Variants in GPATCH8 observed in about 807,000 individuals in gnomAD.
The protein encoded by GPATCH8 is G-patch domain containing 8, also known as G patch domain-containing protein 8.
A neutral mutation model predicts 118.3 loss-of-function variants in GPATCH8; 18 were observed. That is an observed-to-expected ratio of 0.15 (90% CI 0.11 to 0.23). GPATCH8 has a LOEUF of 0.23. GPATCH8 is among the 10% of genes least tolerant of loss of function. The pLI is 1.00. For synonymous variants in GPATCH8, 659 were observed against 684.7 expected (o/e 0.96, Z 0.59); for missense variants, 1,631 against 1,873.8 (o/e 0.87, Z 2.39).
intron 1 of GPATCH8, among the ~76,000 whole-genome samples, chr17:44,476,248 A>C (rs558185857): frequency 6.6e-6 from 1 of 152,002 alleles, no homozygotes; most frequent in African/African-American, 2.4e-5. Context: ...TCTGTAGCCC[A>C]AGCTGGAGTG....
intron 1 of GPATCH8, among the ~76,000 whole-genome samples, chr17:44,492,733 A>G (rs1299661568): frequency 2.0e-5 from 3 of 152,192 alleles, no homozygotes; most frequent in African/African-American, 7.2e-5. Flanking sequence ...CCCTCACCAT[A>G]TATCACAGTA....
intron 1 of GPATCH8, among the ~76,000 whole-genome samples, chr17:44,482,573 C>CAA (rs376299230): frequency 5.2e-5 from 5 of 97,058 alleles, no homozygotes; most frequent in Admixed American, 1.1e-4. Flanking sequence ...GACTCCATCT[C>CAA]AAAAAAAAAA....
chr17:44,502,797 T>C (rs1197928509), intron 1 of GPATCH8, among the ~76,000 whole-genome samples: 1 of 152,176 alleles, frequency 6.6e-6, no homozygotes, highest in East Asian at 1.9e-4. Context: ...AGGCGTCTGA[T>C]AGCGAAGGCA....
intron 5 of GPATCH8, among the ~76,000 whole-genome samples, chr17:44,431,984 T>C (rs1233368846): frequency 1.3e-5 from 2 of 151,724 alleles, no homozygotes; most frequent in Non-Finnish European, 2.9e-5. Context: ...TGACTAAGAA[T>C]TCTGGTTCTA....
intron 6 of GPATCH8, among the ~76,000 whole-genome samples, chr17:44,413,965 T>C (rs1427776502): frequency 6.6e-6 from 1 of 151,808 alleles, no homozygotes; most frequent in African/African-American, 2.4e-5. Flanking sequence ...AAAATTACCA[T>C]GTAATGCTTG....
rs767815210 is a variant in GPATCH8 at position 44,397,421 on chromosome 17, C to T, written c.*147G>A. The T allele has an allele frequency of 5.6e-6, 4 of 712,354 alleles. No homozygotes were observed. Among genetic ancestry groups the T allele is most frequent in the Non-Finnish European group, 1.0e-5 (4 of 390,652 alleles). The allele number at this position is 712,354 out of a possible 1,614,324, so 44.1% of individuals were successfully genotyped here. ...ACTGAAAGCAAACTTCAAATCTAAA[C>T]CCACCCCTGCAAGCCAAAACTCAAT... On this transcript the variant is annotated 3_prime_UTR_variant, in exon 8 of 8. Coordinates refer to ENST00000591680, the MANE Select transcript of GPATCH8 (RefSeq NM_001002909.4).
chr17:44,464,461 TA>T lies in GPATCH8; in HGVS notation c.193+10del. On this transcript the variant is annotated intron_variant, in intron 3 of 7. Coordinates refer to ENST00000591680, the MANE Select transcript of GPATCH8 (RefSeq NM_001002909.4). Reference sequence around the variant, plus strand: ...TTTCTTCCTTTTTCTCTGGTAAATGTAAACACTTACCCTGAAGAGATTTTCC... The same window carrying T: ...TTTCTTCCTTTTTCTCTGGTAAATGTAACACTTACCCTGAAGAGATTTTCC... The T allele has an allele frequency of 6.8e-7, 1 of 1,477,952 alleles. No homozygotes were observed. The highest frequency in any genetic ancestry group is 9.5e-7 in the Non-Finnish European group (1 of 1,055,768). 91.6% of individuals were successfully genotyped at this position (1,477,952 alleles called of 1,614,324 possible). A position where few individuals can be genotyped will look rare whatever the true frequency, so the allele number is the denominator to read the frequency against.
At chr17:44,450,699 A>T (rs2051081551) in intron 3 of GPATCH8, among the ~76,000 whole-genome samples, 1 of 152,080 alleles carries the variant, frequency 6.6e-6, no homozygotes, top group African/African-American at 2.4e-5. Context: ...TTAATAAAAT[A>T]TGTTTATTAT....
intron 3 of GPATCH8, among the ~76,000 whole-genome samples, chr17:44,449,392 C>G (rs942619083): frequency 1.3e-5 from 2 of 152,152 alleles, no homozygotes. Context: ...TCAGTAGATA[C>G]AAACTCTTGC....
Position 44,400,768 on chromosome 17 carries a change from C to T in GPATCH8, c.1309G>A (p.Gly437Ser). The T allele has an allele frequency of 6.2e-7, 1 of 1,613,952 alleles. No homozygotes were observed. The highest frequency in any genetic ancestry group is 8.5e-7 in the Non-Finnish European group (1 of 1,179,852). The change falls in exon 8 of 8, where the codon GGC becomes AGC. Residue 437 changes from glycine to serine, a missense_variant. Coordinates refer to ENST00000591680, the MANE Select transcript of GPATCH8 (RefSeq NM_001002909.4). ...CAGCTTTTAGGCTTGGGAGAACTGC[C>T]TTTTTTACTCTCTGGGGCATTCTTT... ...HPKNAPESKKGSSPKPKSCIK... is the reference protein window; with the variant it reads ...HPKNAPESKKSSSPKPKSCIK...
chr17:44,498,340 A>C (rs1226193394), intron 1 of GPATCH8, among the ~76,000 whole-genome samples: 1 of 152,208 alleles, frequency 6.6e-6, no homozygotes, highest in East Asian at 1.9e-4. Context: ...CTTTGAAAAC[A>C]AATAATATAC....
chr17:44,486,432 T>C (rs1372381851), intron 1 of GPATCH8: 1 of 152,210 alleles, frequency 6.6e-6, no homozygotes, highest in South Asian at 2.1e-4. Flanking sequence ...TTTTGTAAAA[T>C]GCTTTTCTTG....
chr17:44,419,455 G>A (rs1045662712), intron 6 of GPATCH8, among the ~76,000 whole-genome samples: 20 of 152,126 alleles, frequency 1.3e-4, no homozygotes, highest in Non-Finnish European at 2.8e-4. Context: ...TGGCTGTGTT[G>A]TACCAAGGTC....
At position 44,400,011 on chromosome 17, in the gene GPATCH8, CGTTTGT is replaced by C; in HGVS notation, c.2060_2065del (p.His687_Lys688del). Reference sequence around the variant, plus strand: ...CTCTTCTGTGTCAGCCTTGTGTTTACGTTTGTGTTTGCTGGATTTTTTGTGCTTCTT... The same window carrying C: ...CTCTTCTGTGTCAGCCTTGTGTTTACGTTTGCTGGATTTTTTGTGCTTCTT... On this transcript the variant is annotated inframe_deletion, in exon 8 of 8. Transcript: ENST00000591680. The C allele has an allele frequency of 6.2e-7, 1 of 1,613,920 alleles. No individual in the cohort carries two copies. Among genetic ancestry groups the C allele is most frequent in the Non-Finnish European group, 8.5e-7 (1 of 1,179,958 alleles).
At position 44,492,379 on chromosome 17, in the gene GPATCH8, C is replaced by A. The variant is rs1445428588; in HGVS notation, c.45+10947G>T. On this transcript the variant is annotated intron_variant, in intron 1 of 7. Coordinates refer to ENST00000591680, the MANE Select transcript of GPATCH8 (RefSeq NM_001002909.4). Reference sequence around the variant, plus strand: ...GATCACAAGGTCAGGAGATTGAGACCATCCTGGCTAACACAGTGAAACCCT... The same window carrying A: ...GATCACAAGGTCAGGAGATTGAGACAATCCTGGCTAACACAGTGAAACCCT... 2.1e-5 allele frequency among the ~76,000 whole-genome samples: 3 copies of A among 145,744 alleles called. No individual in the cohort carries two copies. In the Admixed American group the frequency reaches 2.1e-4, roughly 10 times the overall value.
intron 3 of GPATCH8, among the ~76,000 whole-genome samples, chr17:44,461,006 T>A (rs1335039274): frequency 6.6e-6 from 1 of 152,182 alleles, no homozygotes; most frequent in Non-Finnish European, 1.5e-5. Flanking sequence ...CAATTCTTAA[T>A]GTTGGAAACA....
intron 1 of GPATCH8, among the ~76,000 whole-genome samples, chr17:44,480,454 G>A (rs1333253479): frequency 6.6e-6 from 1 of 152,152 alleles, no homozygotes; most frequent in East Asian, 1.9e-4. Context: ...GGTGGTTCAC[G>A]TCTATAATCC....
intron 3 of GPATCH8, among the ~76,000 whole-genome samples, chr17:44,450,333 C>A (rs1162293150): frequency 6.6e-6 from 1 of 152,188 alleles, no homozygotes; most frequent in African/African-American, 2.4e-5. Context: ...AGATTATAAT[C>A]TTAGGTGGCA....
At chr17:44,402,565 C>CTCGAGGCCAGGAGA (rs1464878424) in intron 7 of GPATCH8, among the ~76,000 whole-genome samples, 4 of 152,028 alleles carry the variant, frequency 2.6e-5, no homozygotes, top group Non-Finnish European at 4.4e-5. Flanking sequence ...GGGAGGATTG[C>CTCGAGGCCAGGAGA]TCGAGGCCAG....
Sources: gnomAD v4.1 joint callset for allele counts (sites outside exome capture counted in the v4.1 genomes callset) on GRCh38, gnomAD v4.1.1 for gene constraint, MANE v1.5 for transcripts, NCBI Gene and HGNC (gene_info 2026-07-23, HGNC 2026-07-21) for gene names.